KCNMA1: variants seen among roughly 807,000 people sequenced by gnomAD.
KCNMA1 encodes potassium calcium-activated channel subfamily M alpha 1.
In KCNMA1, 29 loss-of-function variants were observed where a neutral mutation model predicts 140.0. That is an observed-to-expected ratio of 0.21 (90% CI 0.15 to 0.28). The LOEUF (loss-of-function observed/expected upper bound fraction) is 0.28, where lower values mean the gene tolerates loss of function less well. KCNMA1 is among the 10% of genes least tolerant of loss of function. The pLI is 1.00. For synonymous variants in KCNMA1, 612 were observed against 611.9 expected (o/e 1.00, Z 0.00); for missense variants, 880 against 1,602.2 (o/e 0.55, Z 7.70).
At chr10:76,919,529 T>C (rs751010951) in intron 23 of KCNMA1, among the ~76,000 whole-genome samples, 5 of 152,178 alleles carry the variant, frequency 3.3e-5, no homozygotes, top group Non-Finnish European at 5.9e-5. Flanking sequence ...AGAGACTGGA[T>C]TTTCATTTCT....
At chr10:76,972,030 A>G (rs2076249258) in intron 19 of KCNMA1, among the ~76,000 whole-genome samples, 1 of 151,772 alleles carries the variant, frequency 6.6e-6, no homozygotes, top group African/African-American at 2.4e-5. Flanking sequence ...CCATCTTAGA[A>G]TGAAGTAGAA....
chr10:77,012,328 G>A lies in KCNMA1; in HGVS notation c.2016-285C>T, dbSNP rs558426832. 2.3e-4 allele frequency: 341 copies of A among 1,465,314 alleles called. 4 individuals are homozygous for A. The South Asian group carries it at 3.9e-3, about 17-fold the overall frequency. The allele number at this position is 1,465,314 out of a possible 1,614,324, so 90.8% of individuals were successfully genotyped here. ...TGTGACACACTGTGTCTGCTCATTC[G>A]TCTTTCATTTTTGAGAACAGCCTTT... is the stretch of plus-strand genomic sequence containing the variant. On this transcript the variant is annotated intron_variant, in intron 17 of 27. Transcript: ENST00000286628.
At chr10:77,613,795 T>A (rs2088080572) in intron 1 of KCNMA1, among the ~76,000 whole-genome samples, 1 of 152,176 alleles carries the variant, frequency 6.6e-6, no homozygotes, top group Non-Finnish European at 1.5e-5. Context: ...AGAGGCCCCT[T>A]CAGACAGGGA....
intron 5 of KCNMA1, chr10:77,140,210 G>A (rs2098134397): frequency 1.3e-5 from 2 of 152,640 alleles, no homozygotes; most frequent in Non-Finnish European, 2.9e-5. Flanking sequence ...CAGCCTAGAC[G>A]GAAAGCACTT....
chr10:77,255,437 C>CA (rs1385958818), intron 2 of KCNMA1, among the ~76,000 whole-genome samples: 1 of 150,972 alleles, frequency 6.6e-6, no homozygotes, highest in African/African-American at 2.4e-5. Flanking sequence ...CTGGCTCTAC[C>CA]AAAAAATGCA....
intron 2 of KCNMA1, among the ~76,000 whole-genome samples, chr10:77,262,919 G>T (rs2062409426): frequency 6.6e-6 from 1 of 152,146 alleles, no homozygotes; most frequent in African/African-American, 2.4e-5. Context: ...TAGTGATGAT[G>T]ATTGCACAAT....
intron 1 of KCNMA1, among the ~76,000 whole-genome samples, chr10:77,517,289 C>T (rs1276115935): frequency 6.6e-6 from 1 of 152,146 alleles, no homozygotes; most frequent in African/African-American, 2.4e-5. Context: ...GAGGCAATTC[C>T]ACAGCAGTAA....
intron 23 of KCNMA1, among the ~76,000 whole-genome samples, chr10:76,937,095 C>G (rs545857234): frequency 6.6e-6 from 1 of 152,358 alleles, no homozygotes; most frequent in South Asian, 2.1e-4. Context: ...GTGTCAGTAA[C>G]TCTCCTTTAG....
chr10:77,122,698 C>G (rs1456284809), intron 5 of KCNMA1, among the ~76,000 whole-genome samples: 2 of 152,084 alleles, frequency 1.3e-5, no homozygotes, highest in African/African-American at 4.8e-5. Flanking sequence ...CAGAAAAGAA[C>G]TTTTGAGATA....
chr10:77,594,447 G>C (rs2080181262), intron 1 of KCNMA1, among the ~76,000 whole-genome samples: 1 of 152,274 alleles, frequency 6.6e-6, no homozygotes, highest in South Asian at 2.1e-4. Flanking sequence ...GGGCCAGTCA[G>C]CATGAGAGCT....
At chr10:77,237,650 A>G (rs2055985833) in intron 3 of KCNMA1, among the ~76,000 whole-genome samples, 1 of 151,862 alleles carries the variant, frequency 6.6e-6, no homozygotes, top group African/African-American at 2.4e-5. Flanking sequence ...CCAGGGCCTC[A>G]CTACATTGCC....
chr10:76,900,541 A>G (rs1435957685), intron 25 of KCNMA1, among the ~76,000 whole-genome samples: 1 of 152,092 alleles, frequency 6.6e-6, no homozygotes, highest in Non-Finnish European at 1.5e-5. Flanking sequence ...AAGAAAGTAA[A>G]TGTTACTAAA....
intron 5 of KCNMA1, among the ~76,000 whole-genome samples, chr10:77,172,058 C>T (rs761016506): frequency 1.3e-5 from 2 of 152,176 alleles, no homozygotes; most frequent in African/African-American, 2.4e-5. Context: ...ATAATGCAGT[C>T]GAATCCCTGA....
chr10:77,032,318 C>T (rs2093991710), intron 15 of KCNMA1, among the ~76,000 whole-genome samples: 3 of 152,164 alleles, frequency 2.0e-5, no homozygotes, highest in Admixed American at 2.0e-4. Flanking sequence ...GCCATCTAAT[C>T]CTTATTCTAA....
intron 1 of KCNMA1, among the ~76,000 whole-genome samples, chr10:77,585,737 G>A (rs941898012): frequency 1.3e-5 from 2 of 152,066 alleles, no homozygotes; most frequent in African/African-American, 4.8e-5. Context: ...GATTTCTCAG[G>A]CATCTAAAAA....
intron 5 of KCNMA1, among the ~76,000 whole-genome samples, chr10:77,177,407 CCTT>C (rs1409072222): frequency 6.7e-6 from 1 of 149,950 alleles, no homozygotes; most frequent in Non-Finnish European, 1.5e-5. Context: ...TTCCTTCCTT[CCTT>C]CTTTCCTCTT....
At chr10:77,258,006 C>A (rs1002040679) in intron 2 of KCNMA1, among the ~76,000 whole-genome samples, 10 of 152,166 alleles carry the variant, frequency 6.6e-5, no homozygotes, top group African/African-American at 2.4e-4. Context: ...GAAGGAAGAG[C>A]ACAGGACACA....
chr10:76,905,047 A>T (rs2047246564), intron 25 of KCNMA1: 1 of 152,228 alleles, frequency 6.6e-6, no homozygotes, highest in African/African-American at 2.4e-5. Context: ...TCTAATTTAA[A>T]GAAGGCAGGA....
Position 77,108,317 on chromosome 10 carries a change from C to G in KCNMA1, c.1223+164G>C. On this transcript the variant is annotated intron_variant, in intron 9 of 27. Coordinates refer to ENST00000286628, the MANE Select transcript of KCNMA1 (RefSeq NM_001161352.2). This position sits in a 1 kb window ranked among gnomAD's most constrained non-coding sequence, Gnocchi z 4.6. ...CCTCCATGTTTGTTAAAAGTCCCGC[C>G]GAATTTATTCCGACTCAGGATGAGA... 1.3e-6 allele frequency: 2 copies of G among 1,526,488 alleles called. No individual in the cohort carries two copies. The highest frequency in any genetic ancestry group is 4.7e-5 in the East Asian group (2 of 42,394). The allele number at this position is 1,526,488 out of a possible 1,614,324, so 94.6% of individuals were successfully genotyped here. A position where few individuals can be genotyped will look rare whatever the true frequency, so the allele number is the denominator to read the frequency against.
Sources: allele counts gnomAD v4.1 joint callset (sites outside exome capture counted in the v4.1 genomes callset), GRCh38; gene constraint gnomAD v4.1.1; non-coding constraint Gnocchi (gnomAD v3.1); transcripts MANE v1.5; gene names NCBI Gene and HGNC (gene_info 2026-07-23, HGNC 2026-07-21).